TXNL4A: variants seen among roughly 807,000 people sequenced by gnomAD.
TXNL4A encodes the protein thioredoxin-like protein 4A.
In TXNL4A, 17 loss-of-function variants were observed where a neutral mutation model predicts 14.6. The ratio of observed to expected loss-of-function variants is 1.16; its 90% CI spans 0.80 to 1.74. The LOEUF is 1.74. Ranked by LOEUF, TXNL4A falls within the 40% of genes most tolerant of loss-of-function variation. The probability of loss-of-function intolerance (pLI) is 0.00; values close to 1 mark genes in which losing one functional copy is unlikely to be tolerated. For missense variants in TXNL4A, 74 were observed against 195.2 expected, an observed-to-expected ratio of 0.38 and a Z score of 3.70; for synonymous variants, 83 against 70.6, an observed-to-expected ratio of 1.18 and a Z score of -0.88.
chr18:80,026,767 T>C (rs1302020939), intron 1 of TXNL4A, among the ~76,000 whole-genome samples: 1 of 152,226 alleles, frequency 6.6e-6, no homozygotes, highest in Non-Finnish European at 1.5e-5. Flanking sequence ...TTGCGGCCCT[T>C]GTCAATCTTT....
At position 79,977,938 on chromosome 18, in the gene TXNL4A, G is replaced by A. The variant is rs1399658310; in HGVS notation, c.154-237C>T. 5.8e-6 allele frequency: 3 copies of A among 514,224 alleles called. No homozygotes were observed. In the East Asian group the frequency reaches 9.8e-5, roughly 17 times the overall value. 31.9% of individuals were successfully genotyped at this position (514,224 alleles called of 1,614,324 possible). On this transcript the variant is annotated intron_variant, in intron 1 of 2. Coordinates refer to ENST00000269601, the MANE Select transcript of TXNL4A (RefSeq NM_006701.5). ...CCCACCTCAGCCTCCCAAAGTGCTGGGATTATAGGAGTGAGCCATCACTCC... is the reference window on the plus strand; with the variant it reads ...CCCACCTCAGCCTCCCAAAGTGCTGAGATTATAGGAGTGAGCCATCACTCC...
At position 79,993,912 on chromosome 18, in the gene TXNL4A, C is replaced by CT. The variant is rs537533632; in HGVS notation, c.-60-16212dup. Among the ~76,000 whole-genome samples, 7 of 152,182 alleles carry CT rather than the reference C, an allele frequency of 4.6e-5. No individual in the cohort carries two copies. Among genetic ancestry groups the CT allele is most frequent in the Non-Finnish European group, 8.8e-5 (6 of 68,048 alleles). ...TCCCACACCTGGAGCCCCTGACACA[C>CT]TTTACCAGGTAGCCGCGACAAGCGT... On this transcript the variant is annotated intron_variant, in intron 1 of 2. Coordinates refer to the TXNL4A transcript ENST00000585474. The surrounding 1 kb of genome is among the most constrained non-coding windows in gnomAD (Gnocchi z 4.4).
At chr18:79,997,597 C>A (rs1459121147) in intron 1 of TXNL4A, among the ~76,000 whole-genome samples, 1 of 152,114 alleles carries the variant, frequency 6.6e-6, no homozygotes, top group Admixed American at 6.5e-5. Flanking sequence ...TATTTGTTTA[C>A]CTTTACTTGG....
chr18:80,027,420 C>T (rs548424430), intron 1 of TXNL4A, among the ~76,000 whole-genome samples: 5 of 152,056 alleles, frequency 3.3e-5, no homozygotes, highest in Non-Finnish European at 7.3e-5. Context: ...TAGTCCCAAA[C>T]CACATATCCT....
chr18:79,992,709 G>A (rs553945911), upstream of TXNL4A, among the ~76,000 whole-genome samples: 24 of 151,808 alleles, frequency 1.6e-4, no homozygotes, highest in Admixed American at 8.5e-4. Context: ...TTAAAATTTC[G>A]CCATGGTAAT....
chr18:79,987,890 A>G (rs2051577094), intron 1 of TXNL4A, among the ~76,000 whole-genome samples: 1 of 152,284 alleles, frequency 6.6e-6, no homozygotes, highest in Non-Finnish European at 1.5e-5. Context: ...ACGTCCTTTT[A>G]AATTAAGGAT....
intron 2 of TXNL4A, 31 bp downstream of exon 2, chr18:79,977,567 C>A (rs1358902389): frequency 6.8e-7 from 1 of 1,478,650 alleles, no homozygotes; most frequent in South Asian, 1.2e-5. Flanking sequence ...TGACAATATT[C>A]AATTTCAGTA....
chr18:79,973,545 G>A lies in TXNL4A; in HGVS notation c.*140C>T. 8.9e-7 allele frequency: 1 copy of A among 1,128,828 alleles called. No individual in the cohort carries two copies. 69.9% of individuals were successfully genotyped at this position (1,128,828 alleles called of 1,614,324 possible). A position where few individuals can be genotyped will look rare whatever the true frequency, so the allele number is the denominator to read the frequency against. ...ACCACGTGCTTGTTTATTTCGGTGAGTTAAGACCATGTTATCAATTCCATC... is the reference window on the plus strand; with the variant it reads ...ACCACGTGCTTGTTTATTTCGGTGAATTAAGACCATGTTATCAATTCCATC... On this transcript the variant is annotated 3_prime_UTR_variant, in exon 3 of 3. Coordinates refer to ENST00000269601, the MANE Select transcript of TXNL4A (RefSeq NM_006701.5).
chr18:79,989,293 AG>A (rs1043311375), upstream of TXNL4A, among the ~76,000 whole-genome samples: 14 of 152,068 alleles, frequency 9.2e-5, no homozygotes, highest in Non-Finnish European at 1.3e-4. Context: ...TGTACTTAGT[AG>A]AGACGGGGTT....
At chr18:79,975,086 C>T (rs1284765482) in intron 2 of TXNL4A, among the ~76,000 whole-genome samples, 1 of 152,208 alleles carries the variant, frequency 6.6e-6, no homozygotes, top group Non-Finnish European at 1.5e-5. Context: ...GCTCCTTCTA[C>T]AATGACTGGG....
intron 1 of TXNL4A, among the ~76,000 whole-genome samples, chr18:80,015,251 C>CAA (rs565042795): frequency 6.9e-6 from 1 of 145,548 alleles, no homozygotes. Context: ...AATTTCTCCT[C>CAA]AAAAAAAAAA....
chr18:80,003,759 G>A (rs1234564787), intron 1 of TXNL4A, among the ~76,000 whole-genome samples: 1 of 152,164 alleles, frequency 6.6e-6, no homozygotes, highest in Non-Finnish European at 1.5e-5. Context: ...AGTGACTCAC[G>A]GTTCCACATT....
chr18:79,984,060 C>T (rs1377427276), intron 1 of TXNL4A, among the ~76,000 whole-genome samples: 1 of 152,066 alleles, frequency 6.6e-6, no homozygotes, highest in Non-Finnish European at 1.5e-5. Flanking sequence ...TCAACATCAC[C>T]CCTCATACCT....
At chr18:79,995,235 G>C (rs551407543) in intron 1 of TXNL4A, 1 of 152,364 alleles carries the variant, frequency 6.6e-6, no homozygotes, top group East Asian at 1.9e-4. Context: ...GGTCTCAGAA[G>C]CTAAAGCTAA....
At chr18:79,977,523 C>T in intron 2 of TXNL4A, 75 bp downstream of exon 2, 2 of 1,261,174 alleles carry the variant, frequency 1.6e-6, no homozygotes, top group Non-Finnish European at 2.3e-6. Flanking sequence ...ATAAAATAAT[C>T]TAAAGAGATC....
At chr18:80,004,507 A>G (rs1296805654) in intron 1 of TXNL4A, among the ~76,000 whole-genome samples, 1 of 152,172 alleles carries the variant, frequency 6.6e-6, no homozygotes, top group Non-Finnish European at 1.5e-5. Flanking sequence ...GTTCCTGAGA[A>G]TTCCCAGCAA....
chr18:79,978,103 A>G (rs2051407419), intron 1 of TXNL4A, among the ~76,000 whole-genome samples: 1 of 152,212 alleles, frequency 6.6e-6, no homozygotes, highest in South Asian at 2.1e-4. Flanking sequence ...AGAATAGTTC[A>G]GGAATTGGCC....
At chr18:80,028,912 A>C (rs890085340) in intron 1 of TXNL4A, among the ~76,000 whole-genome samples, 1 of 152,246 alleles carries the variant, frequency 6.6e-6, no homozygotes, top group Non-Finnish European at 1.5e-5. Flanking sequence ...TAAAAATCCC[A>C]GTCACTCAAA....
intron 1 of TXNL4A, among the ~76,000 whole-genome samples, chr18:80,007,975 A>AC (rs1471136657): frequency 1.3e-5 from 2 of 150,362 alleles, no homozygotes; most frequent in Non-Finnish European, 1.5e-5. Flanking sequence ...ACATAGTAAG[A>AC]CCCCCATCTC....
Sources: allele counts gnomAD v4.1 joint callset (sites outside exome capture counted in the v4.1 genomes callset), GRCh38; gene constraint gnomAD v4.1.1; non-coding constraint Gnocchi (gnomAD v3.1); transcripts MANE v1.5; gene names NCBI Gene and HGNC (gene_info 2026-07-23, HGNC 2026-07-21).